NOLC1: variants seen among roughly 807,000 people sequenced by gnomAD.
The protein encoded by NOLC1 is nucleolar and coiled-body phosphoprotein 1, also known as 140 kDa nucleolar phosphoprotein.
A neutral mutation model predicts 73.4 loss-of-function variants in NOLC1; 37 were observed. The ratio of observed to expected loss-of-function variants is 0.50; its 90% confidence interval spans 0.39 to 0.66. NOLC1 has a LOEUF of 0.66. Ranked by LOEUF, NOLC1 falls within the 30% of genes least tolerant of loss-of-function variation. The pLI, the probability that NOLC1 is intolerant of heterozygous loss-of-function variation, is 0.00. For missense variants in NOLC1, 921 were observed against 838.9 expected, an observed-to-expected ratio of 1.10 and a Z score of -1.21; for synonymous variants, 327 against 302.6, an observed-to-expected ratio of 1.08 and a Z score of -0.84.
At chr10:102,155,855 G>C (rs1564967410) in intron 1 of NOLC1, among the ~76,000 whole-genome samples, 1 of 151,744 alleles carries the variant, frequency 6.6e-6, no homozygotes. Flanking sequence ...TACTAGTCTT[G>C]TTTCTTTCTT....
intron 1 of NOLC1, among the ~76,000 whole-genome samples, chr10:102,154,851 T>C (rs1387682777): frequency 1.3e-5 from 2 of 151,600 alleles, no homozygotes; most frequent in Non-Finnish European, 2.9e-5. Flanking sequence ...CTTCTGTGTA[T>C]TGTTTTGTGT....
At position 102,160,723 on chromosome 10, in the gene NOLC1, G is replaced by T; in HGVS notation, c.1371G>T (p.Leu457=). 2 of 1,614,124 alleles carry T rather than the reference G, an allele frequency of 1.2e-6. No homozygotes were observed. ...PKATAKAALS[L]PAKQAPQGSR... is the part of the protein sequence containing the mutation. ...CGACTGCCAAAGCAGCTCTATCTCT[G>T]CCTGCCAAGCAGGCTCCTCAGGGTA... is the stretch of plus-strand genomic sequence containing the variant. Residue 457 remains leucine, a synonymous_variant, in exon 10 of 13, where the codon CTG becomes CTT. Coordinates refer to ENST00000605788, the MANE Select transcript of NOLC1 (RefSeq NM_004741.5).
At position 102,152,593 on chromosome 10, in the gene NOLC1, TGCTTAG is replaced by T. The variant is rs1414011230; in HGVS notation, c.120+65_120+70del. ...GACCACAAGGCTTCAGGCCCTGACG[TGCTTAG>T]GTTTCCAGGTGGGGAAGTCTGGGGG... On this transcript the variant is annotated intron_variant, in intron 1 of 12. Transcript: ENST00000605788. 3.1e-6 allele frequency: 5 copies of T among 1,602,636 alleles called. No individual in the cohort carries two copies. In the Admixed American group the frequency reaches 8.4e-5, roughly 27 times the overall value.
chr10:102,159,759 A>C, intron 7 of NOLC1, 137 bp from the exon 8 acceptor site: 1 of 1,068,140 alleles, frequency 9.4e-7, no homozygotes, highest in Non-Finnish European at 1.3e-6. Flanking sequence ...AGGTGACACC[A>C]TGTTCTGTTA....
chr10:102,152,634 C>T (rs1332439223), intron 1 of NOLC1, 104 bp downstream of exon 1: 2 of 1,521,780 alleles, frequency 1.3e-6, no homozygotes, highest in Non-Finnish European at 1.8e-6. Flanking sequence ...GTCCGCCAGT[C>T]CAGTGTCTGC....
intron 10 of NOLC1, 38 bp downstream of exon 10, chr10:102,161,131 C>T: frequency 6.4e-7 from 1 of 1,553,136 alleles, no homozygotes; most frequent in Non-Finnish European, 8.6e-7. Flanking sequence ...GGTTTTGTCC[C>T]CCCAAATCAG....
rs573072484 is a variant in NOLC1, at chr10:102,152,416, G to C, written c.6G>C (p.Ala2=). 6.2e-7 allele frequency: 1 copy of C among 1,610,312 alleles called. No homozygotes were observed. The highest frequency in any genetic ancestry group is 1.7e-5 in the Admixed American group (1 of 60,022). Residue 2 remains alanine, a synonymous_variant, in exon 1 of 13, where the codon GCG becomes GCC. Coordinates refer to ENST00000605788, the MANE Select transcript of NOLC1 (RefSeq NM_004741.5). The part of the protein sequence containing the change: M[A]DAGIRRVVPS... ...TGACGCGTATTGCCTGGAGGATGGC[G>C]GACGCCGGCATTCGCCGCGTGGTTC...
In NOLC1 at chr10:102,163,163, G is replaced by C. The variant is rs1039672468; in HGVS notation, c.*894G>C. The stretch of plus-strand genomic sequence containing the variant: ...TGAGTTTGAAAAATACATATCACTT[G>C]GTATTGCTGTCTTGGTTGCAGTGGT... On this transcript the variant is annotated 3_prime_UTR_variant, in exon 13 of 13. Coordinates refer to ENST00000605788, the MANE Select transcript of NOLC1 (RefSeq NM_004741.5). 5 of 152,018 alleles carry C rather than the reference G, an allele frequency of 3.3e-5. No individual in the cohort carries two copies. The highest frequency in any genetic ancestry group is 1.2e-4 in the African/African-American group (5 of 41,382). 9.4% of individuals were successfully genotyped at this position (152,018 alleles called of 1,614,324 possible).
Position 102,157,461 on chromosome 10 carries a change from C to T in NOLC1, c.347C>T (p.Pro116Leu). The change falls in exon 4 of 13, where the codon CCT becomes CTT. Residue 116 changes from proline (P) to leucine (L), a missense_variant. Transcript: ENST00000605788. ...AVPAKRVGLP[P>L]GKAAAKASES... ...CCTGCCAAGCGAGTCGGTCTGCCTCCTGGGAAGGCTGCAGCCAAAGCATCA... is the reference window on the plus strand; with the variant it reads ...CCTGCCAAGCGAGTCGGTCTGCCTCTTGGGAAGGCTGCAGCCAAAGCATCA... 1 of 1,614,168 alleles carries T rather than the reference C, an allele frequency of 6.2e-7. No individual in the cohort carries two copies. The highest frequency in any genetic ancestry group is 8.5e-7 in the Non-Finnish European group (1 of 1,180,014).
At chr10:102,153,606 TAAG>T (rs1394569795) in intron 1 of NOLC1, among the ~76,000 whole-genome samples, 3 of 152,166 alleles carry the variant, frequency 2.0e-5, no homozygotes, top group Non-Finnish European at 1.5e-5. Flanking sequence ...AGTTGACTGT[TAAG>T]GAGACTGCGG....
chr10:102,154,914 G>C (rs1181440978), intron 1 of NOLC1, among the ~76,000 whole-genome samples: 1 of 152,040 alleles, frequency 6.6e-6, no homozygotes, highest in Non-Finnish European at 1.5e-5. Flanking sequence ...GGAGTAAAGT[G>C]ATGCAATCAT....
intron 1 of NOLC1, among the ~76,000 whole-genome samples, chr10:102,153,272 T>C (rs939391255): frequency 6.6e-6 from 1 of 152,224 alleles, no homozygotes; most frequent in Non-Finnish European, 1.5e-5. Flanking sequence ...GCAATCTCAG[T>C]GCTGGTACAG....
chr10:102,161,776 C>A, intron 11 of NOLC1, 57 bp from the exon 12 acceptor site: 1 of 1,550,542 alleles, frequency 6.4e-7, no homozygotes, highest in Non-Finnish European at 8.9e-7. Flanking sequence ...GTGTATCACT[C>A]AGGAGAACTG....
At chr10:102,159,642 A>G (rs1390714312) in intron 7 of NOLC1, 74 bp downstream of exon 7, 5 of 1,420,704 alleles carry the variant, frequency 3.5e-6, no homozygotes, top group Non-Finnish European at 3.9e-6. Flanking sequence ...GGACCTCTCC[A>G]TAGAGGTGCA....
rs755318558 is a variant in NOLC1, at chr10:102,152,439, T to G, written c.29T>G (p.Val10Gly). 1 of 1,612,442 alleles carries G rather than the reference T, an allele frequency of 6.2e-7. No homozygotes were observed. The highest frequency in any genetic ancestry group is 8.5e-7 in the Non-Finnish European group (1 of 1,180,010). MADAGIRRVVPSDLYPLVLG... is the reference protein window; with the variant it reads MADAGIRRVGPSDLYPLVLG... ...GCGGACGCCGGCATTCGCCGCGTGGTTCCCAGCGACCTGTATCCCCTCGTG... is the reference window on the plus strand; with the variant it reads ...GCGGACGCCGGCATTCGCCGCGTGGGTCCCAGCGACCTGTATCCCCTCGTG... Residue 10 changes from valine (V) to glycine (G), a missense_variant, in exon 1 of 13, where the codon GTT becomes GGT. Coordinates refer to ENST00000605788, the MANE Select transcript of NOLC1 (RefSeq NM_004741.5).
At position 102,160,748 on chromosome 10, in the gene NOLC1, A is replaced by G. The variant is rs1390285880; in HGVS notation, c.1396A>G (p.Ser466Gly). ...GCCTGCCAAGCAGGCTCCTCAGGGT[A>G]GTAGGGACAGCAGCTCTGATTCAGA... ...SLPAKQAPQGSRDSSSDSDSS... is the reference protein window; with the variant it reads ...SLPAKQAPQGGRDSSSDSDSS... Residue 466 changes from serine to glycine, a missense_variant, in exon 10 of 13, where the codon AGT becomes GGT. Coordinates refer to ENST00000605788, the MANE Select transcript of NOLC1 (RefSeq NM_004741.5). The G allele has an allele frequency of 2.5e-6, 4 of 1,614,134 alleles. No individual in the cohort carries two copies. Among genetic ancestry groups the G allele is most frequent in the African/African-American group, 1.3e-5 (1 of 75,070 alleles).
chr10:102,163,292 G>A lies in NOLC1; in HGVS notation c.*1023G>A, dbSNP rs746410665. ...TAAAACCTCAATCCTCAGTAGGAAG[G>A]TAGATTACATTAGGTGAAATTATAG... On this transcript the variant is annotated 3_prime_UTR_variant, in exon 13 of 13. Transcript: ENST00000605788. 2.0e-5 allele frequency: 3 copies of A among 152,184 alleles called. No homozygotes were observed. Among genetic ancestry groups the A allele is most frequent in the Non-Finnish European group, 4.4e-5 (3 of 68,026 alleles). 9.4% of individuals were successfully genotyped at this position (152,184 alleles called of 1,614,324 possible).
In NOLC1 at chr10:102,160,243, TGAA is replaced by T. The variant is rs149415579; in HGVS notation, c.1005_1007del (p.Glu336del). 106 of 1,614,066 alleles carry T rather than the reference TGAA, an allele frequency of 6.6e-5. No individual in the cohort carries two copies. The highest frequency in any genetic ancestry group is 8.7e-5 in the Non-Finnish European group (103 of 1,179,934). On this transcript the variant is annotated inframe_deletion, in exon 9 of 13. Transcript: ENST00000605788. Reference sequence around the variant, plus strand: ...ACAGGTTCTCCTCAGATTCAAGTTCTGAAGAAGAGAAGAAACCCCCAACTAAGG... The same window carrying T: ...ACAGGTTCTCCTCAGATTCAAGTTCTGAAGAGAAGAAACCCCCAACTAAGG...
chr10:102,156,008 C>T (rs898883505), intron 1 of NOLC1, among the ~76,000 whole-genome samples: 1 of 151,264 alleles, frequency 6.6e-6, no homozygotes, highest in Non-Finnish European at 1.5e-5. Flanking sequence ...AGGCGCCTGC[C>T]ACCACACCCG....
Sources: allele counts gnomAD v4.1 joint callset (sites outside exome capture counted in the v4.1 genomes callset), GRCh38; gene constraint gnomAD v4.1.1; transcripts MANE v1.5; gene names NCBI Gene and HGNC (gene_info 2026-07-23, HGNC 2026-07-21).